The following GJA4 variants were observed in gnomAD, a reference collection of about 807,000 sequenced individuals.
The protein encoded by GJA4 is gap junction alpha-4 protein.
GJA4 carries 13 observed loss-of-function variants against 25.1 expected under a neutral mutation model. The ratio of observed to expected loss-of-function variants is 0.52; its 90% confidence interval spans 0.34 to 0.82. The LOEUF (loss-of-function observed/expected upper bound fraction) is 0.82, where lower values mean the gene tolerates loss of function less well. Ranked by LOEUF, GJA4 falls within the 40% of genes least tolerant of loss-of-function variation. The pLI, the probability that GJA4 is intolerant of heterozygous loss-of-function variation, is 0.02. For missense variants in GJA4, 357 were observed against 443.5 expected (o/e 0.80, Z 1.75); for synonymous variants, 167 against 193.9 (o/e 0.86, Z 1.15).
In GJA4 at chr1:34,794,828, G is replaced by A. The variant is rs558218003; in HGVS notation, c.615G>A (p.Glu205=). The part of the protein sequence containing the change: ...LVDCFVSRPT[E]KTIFIIFMLV... Reference sequence around the variant, plus strand: ...ACTGCTTTGTCTCTCGCCCCACGGAGAAGACCATCTTCATCATCTTCATGT... The same window carrying A: ...ACTGCTTTGTCTCTCGCCCCACGGAAAAGACCATCTTCATCATCTTCATGT... The change falls in exon 2 of 2, where the codon GAG becomes GAA. Residue 205 remains glutamate, a synonymous_variant. Coordinates refer to ENST00000342280, the MANE Select transcript of GJA4 (RefSeq NM_002060.3). This position sits in a 1 kb window ranked among gnomAD's most constrained non-coding sequence, Gnocchi z 7.8. 1.2e-6 allele frequency: 2 copies of A among 1,614,130 alleles called. No individual in the cohort carries two copies. Among genetic ancestry groups the A allele is most frequent in the South Asian group, 2.2e-5 (2 of 91,076 alleles).
intron 1 of GJA4, 139 bp downstream of exon 1, chr1:34,793,207 TGGCC>T (rs1354596496): frequency 6.9e-5 from 17 of 244,960 alleles, no homozygotes; most frequent in African/African-American, 4.0e-4. Context: ...CAGGTGGCCT[TGGCC>T]AGGCTCCCAC....
Position 34,794,227 on chromosome 1 carries a change from G to C in GJA4, c.14G>C (p.Gly5Ala). ...GGCCCGGGAGCCATGGGTGACTGGG[G>C]CTTCCTGGAGAAGTTGCTGGACCAG... MGDW[G>A]FLEKLLDQVQ... The change falls in exon 2 of 2, where the codon GGC becomes GCC. Residue 5 changes from glycine (G) to alanine (A), a missense_variant. Physicochemically the swap from Gly to Ala is moderately conservative, Grantham distance 60. Coordinates refer to ENST00000342280, the MANE Select transcript of GJA4 (RefSeq NM_002060.3). The surrounding 1 kb of genome is among the most constrained non-coding windows in gnomAD (Gnocchi z 7.8). 6.2e-7 allele frequency: 1 copy of C among 1,614,040 alleles called. No individual in the cohort carries two copies. Among genetic ancestry groups the C allele is most frequent in the Non-Finnish European group, 8.5e-7 (1 of 1,179,930 alleles).
Position 34,794,101 on chromosome 1 carries a change from G to T in GJA4, c.-17-96G>T. The T allele has an allele frequency of 1.0e-6, 1 of 954,862 alleles. No homozygotes were observed. Among genetic ancestry groups the T allele is most frequent in the Non-Finnish European group, 1.6e-6 (1 of 640,404 alleles). The allele number at this position is 954,862 out of a possible 1,614,324, so 59.1% of individuals were successfully genotyped here. ...CTTCCTGAGCCTGGGTTTCTTTGTA[G>T]GTAGAACGGGCGTGGCAGACCTCCC... On this transcript the variant is annotated intron_variant, in intron 1 of 1. Transcript: ENST00000342280. This position sits in a 1 kb window ranked among gnomAD's most constrained non-coding sequence, Gnocchi z 7.8.
chr1:34,794,979 T>C lies in GJA4; in HGVS notation c.766T>C (p.Ser256Pro). 6.2e-7 allele frequency: 1 copy of C among 1,614,054 alleles called. No individual in the cohort carries two copies. The highest frequency in any genetic ancestry group is 8.5e-7 in the Non-Finnish European group (1 of 1,179,982). Reference sequence around the variant, plus strand: ...CGCACCCCCGACCCAGGGCACCTCCTCAGACCCTTACACGGACCAGGTCTT... The same window carrying C: ...CGCACCCCCGACCCAGGGCACCTCCCCAGACCCTTACACGGACCAGGTCTT... ...QDAPPTQGTSSDPYTDQVFFY... is the reference protein window; with the variant it reads ...QDAPPTQGTSPDPYTDQVFFY... Residue 256 changes from serine to proline, a missense_variant, in exon 2 of 2, where the codon TCA becomes CCA. By Grantham distance (74) the Ser-to-Pro change is moderately conservative (BLOSUM62 -1). Coordinates refer to ENST00000342280, the MANE Select transcript of GJA4 (RefSeq NM_002060.3). This position sits in a 1 kb window ranked among gnomAD's most constrained non-coding sequence, Gnocchi z 7.8.
chr1:34,795,470 A>C lies in GJA4; in HGVS notation c.*255A>C. The C allele has an allele frequency of 2.1e-6, 1 of 466,346 alleles. No homozygotes were observed. The allele number at this position is 466,346 out of a possible 1,614,324, so 28.9% of individuals were successfully genotyped here. ...GAGTCAGCATGGAATGCTCTTGGCCAAGGGTACTGGGGGCCCTCTGGCCTT... is the reference window on the plus strand; with the variant it reads ...GAGTCAGCATGGAATGCTCTTGGCCCAGGGTACTGGGGGCCCTCTGGCCTT... On this transcript the variant is annotated 3_prime_UTR_variant, in exon 2 of 2. Transcript: ENST00000342280.
chr1:34,795,062 G>C lies in GJA4; in HGVS notation c.849G>C (p.Gly283=). The stretch of plus-strand genomic sequence containing the variant: ...CCCCACCATGCCCCACCTACAATGG[G>C]CTCTCATCCAGTGAGCAGAACTGGG... ...PSSPPCPTYN[G]LSSSEQNWAN... is the part of the protein sequence containing the mutation. Residue 283 remains glycine (G), a synonymous_variant, in exon 2 of 2, where the codon GGG becomes GGC. Coordinates refer to ENST00000342280, the MANE Select transcript of GJA4 (RefSeq NM_002060.3). 6.2e-7 allele frequency: 1 copy of C among 1,613,522 alleles called. No individual in the cohort carries two copies. The highest frequency in any genetic ancestry group is 1.1e-5 in the South Asian group (1 of 90,956).
intron 1 of GJA4, 109 bp downstream of exon 1, chr1:34,793,177 G>A (rs1455855272): frequency 1.2e-5 from 3 of 254,472 alleles, no homozygotes; most frequent in Non-Finnish European, 2.3e-5. Flanking sequence ...AACGCCCGCC[G>A]CGACAGAGCC....
chr1:34,794,569 A>G lies in GJA4; in HGVS notation c.356A>G (p.Lys119Arg). The change falls in exon 2 of 2, where the codon AAG (lysine) becomes AGG (arginine). Residue 119 changes from lysine (K) to arginine (R), a missense_variant. By Grantham distance (26) the Lys-to-Arg change is conservative. Coordinates refer to ENST00000342280, the MANE Select transcript of GJA4 (RefSeq NM_002060.3). The surrounding 1 kb of genome is among the most constrained non-coding windows in gnomAD (Gnocchi z 7.8). ...GGGGAGCTGCGGGCACTGCCGGCCA[A>G]GGACCCACAGGTGGAGCGGGCGCTG... ...KEGELRALPA[K>R]DPQVERALAA... 6.2e-7 allele frequency: 1 copy of G among 1,609,394 alleles called. No homozygotes were observed. The highest frequency in any genetic ancestry group is 8.5e-7 in the Non-Finnish European group (1 of 1,179,980).
Position 34,795,332 on chromosome 1 carries a change from T to G in GJA4, c.*117T>G. 2 of 664,376 alleles carry G rather than the reference T, an allele frequency of 3.0e-6. No individual in the cohort carries two copies. The highest frequency in any genetic ancestry group is 1.8e-5 in the African/African-American group (1 of 55,674). 41.2% of individuals were successfully genotyped at this position (664,376 alleles called of 1,614,324 possible). A position where few individuals can be genotyped will look rare whatever the true frequency, so the allele number is the denominator to read the frequency against. ...ATGACTGGGCTGGGGAAGCAGGTGC[T>G]TGCTGGCCATGGAGCCTCATTGCAA... On this transcript the variant is annotated 3_prime_UTR_variant, in exon 2 of 2. Transcript: ENST00000342280.
In GJA4 at chr1:34,795,693, A is replaced by C; in HGVS notation, c.*478A>C. The C allele has an allele frequency of 5.8e-6, 1 of 173,330 alleles. No homozygotes were observed. The highest frequency in any genetic ancestry group is 6.2e-5 in the Admixed American group (1 of 16,256). The allele number at this position is 173,330 out of a possible 1,614,324, so 10.7% of individuals were successfully genotyped here. On this transcript the variant is annotated 3_prime_UTR_variant, in exon 2 of 2. Transcript: ENST00000342280. ...AGGGGACTGGTGCCTTGTTTTCATC[A>C]CTCCTTCCTAGTTCTACTGTTCAAG...
chr1:34,794,652 A>G lies in GJA4; in HGVS notation c.439A>G (p.Ile147Val), dbSNP rs374035543. Residue 147 changes from isoleucine to valine, a missense_variant, in exon 2 of 2, where the codon ATC becomes GTC. Physicochemically the swap from Ile to Val is conservative, Grantham distance 29. This residue lies in a region of GJA4 where 278 missense variants were observed against 298.1 expected (regional missense o/e 0.93). Coordinates refer to ENST00000342280, the MANE Select transcript of GJA4 (RefSeq NM_002060.3). The surrounding 1 kb of genome is among the most constrained non-coding windows in gnomAD (Gnocchi z 7.8). ...ISVAEDGRLR[I>V]RGALMGTYVA... ...GGTGGCAGAAGATGGTCGCCTGCGC[A>G]TCCGCGGAGCACTGATGGGCACCTA... 21 of 1,608,126 alleles carry G rather than the reference A, an allele frequency of 1.3e-5. No homozygotes were observed. The highest frequency in any genetic ancestry group is 1.7e-5 in the Non-Finnish European group (20 of 1,179,936).
Position 34,794,111 on chromosome 1 carries a change from G to C in GJA4, c.-17-86G>C. On this transcript the variant is annotated intron_variant, in intron 1 of 1. Coordinates refer to ENST00000342280, the MANE Select transcript of GJA4 (RefSeq NM_002060.3). The surrounding 1 kb of genome is among the most constrained non-coding windows in gnomAD (Gnocchi z 7.8). ...CTGGGTTTCTTTGTAGGTAGAACGG[G>C]CGTGGCAGACCTCCCTGCAGGCTTG... is the stretch of plus-strand genomic sequence containing the variant. 1 of 1,044,018 alleles carries C rather than the reference G, an allele frequency of 9.6e-7. No homozygotes were observed. The highest frequency in any genetic ancestry group is 1.6e-5 in the South Asian group (1 of 64,056). The allele number at this position is 1,044,018 out of a possible 1,614,324, so 64.7% of individuals were successfully genotyped here.
chr1:34,794,078 TC>T lies in GJA4; in HGVS notation c.-17-117del. ...GAGCCTCCAGGCCAGTCCTTCCCCT[TC>T]CTGAGCCTGGGTTTCTTTGTAGGTA... On this transcript the variant is annotated intron_variant, in intron 1 of 1. Transcript: ENST00000342280. This position sits in a 1 kb window ranked among gnomAD's most constrained non-coding sequence, Gnocchi z 7.8. The T allele has an allele frequency of 1.2e-6, 1 of 807,742 alleles. No homozygotes were observed. The highest frequency in any genetic ancestry group is 1.9e-6 in the Non-Finnish European group (1 of 515,774). 50.0% of individuals were successfully genotyped at this position (807,742 alleles called of 1,614,324 possible).
In GJA4 at chr1:34,794,914, G is replaced by T; in HGVS notation, c.701G>T (p.Arg234Leu). 6.2e-7 allele frequency: 1 copy of T among 1,614,066 alleles called. No individual in the cohort carries two copies. Among genetic ancestry groups the T allele is most frequent in the Non-Finnish European group, 8.5e-7 (1 of 1,179,992 alleles). The change falls in exon 2 of 2, where the codon CGC (arginine) becomes CTC (leucine). Residue 234 changes from arginine (R) to leucine (L), a missense_variant. Coordinates refer to ENST00000342280, the MANE Select transcript of GJA4 (RefSeq NM_002060.3). This position sits in a 1 kb window ranked among gnomAD's most constrained non-coding sequence, Gnocchi z 7.8. ...CTGGAGTTGGTGCACCTGCTGTGTC[G>T]CTGCCTCAGCCGGGGGATGAGGGCA... ...NLLELVHLLC[R>L]CLSRGMRARQ...
In GJA4 at chr1:34,793,057, G is replaced by A. The variant is rs910282048; in HGVS notation, c.-29G>A. ...GTCCCCACCTCCACCTGGGCCGCCC[G>A]GCAGGCAGGCGGTGAGTCGGGGGCT... On this transcript the variant is annotated 5_prime_UTR_variant, in exon 1 of 2. Transcript: ENST00000342280. 3.0e-5 allele frequency: 10 copies of A among 338,438 alleles called. No homozygotes were observed. Among genetic ancestry groups the A allele is most frequent in the Non-Finnish European group, 4.7e-5 (8 of 170,910 alleles). 21.0% of individuals were successfully genotyped at this position (338,438 alleles called of 1,614,324 possible).
In GJA4 at chr1:34,794,514, C is replaced by T; in HGVS notation, c.301C>T (p.Arg101Trp). The T allele has an allele frequency of 6.2e-7, 1 of 1,613,876 alleles. No homozygotes were observed. Among genetic ancestry groups the T allele is most frequent in the East Asian group, 2.2e-5 (1 of 44,872 alleles). Reference protein sequence around the residue: ...VYLGHVIYLSRREERLRQKEG... With the variant: ...VYLGHVIYLSWREERLRQKEG... Reference sequence around the variant, plus strand: ...CCTGGGCCATGTCATTTACCTGTCTCGGCGAGAAGAGCGGCTGCGGCAGAA... The same window carrying T: ...CCTGGGCCATGTCATTTACCTGTCTTGGCGAGAAGAGCGGCTGCGGCAGAA... Residue 101 changes from arginine to tryptophan, a missense_variant, in exon 2 of 2, where the codon CGG (arginine) becomes TGG (tryptophan). This residue lies in a region of GJA4 where 79 missense variants were observed against 145.4 expected (regional missense o/e 0.54). Transcript: ENST00000342280. The surrounding 1 kb of genome is among the most constrained non-coding windows in gnomAD (Gnocchi z 7.8).
rs1286125493 is a variant in GJA4, at chr1:34,794,402, C to T, written c.189C>T (p.Asn63=). The T allele has an allele frequency of 5.6e-6, 9 of 1,614,112 alleles. No individual in the cohort carries two copies. The highest frequency in any genetic ancestry group is 2.2e-5 in the South Asian group (2 of 91,094). Reference sequence around the variant, plus strand: ...ACACGGCCCAGCCAGGCTGCACCAACGTCTGCTATGACCAGGCCTTCCCCA... The same window carrying T: ...ACACGGCCCAGCCAGGCTGCACCAATGTCTGCTATGACCAGGCCTTCCCCA... ...ECNTAQPGCT[N]VCYDQAFPIS... The change falls in exon 2 of 2, where the codon AAC becomes AAT. Residue 63 remains asparagine (N), a synonymous_variant. Coordinates refer to ENST00000342280, the MANE Select transcript of GJA4 (RefSeq NM_002060.3). This position sits in a 1 kb window ranked among gnomAD's most constrained non-coding sequence, Gnocchi z 7.8.
In GJA4 at chr1:34,795,168, C is replaced by A; in HGVS notation, c.955C>A (p.Pro319Thr). ...LDPPPQNGQKPPSRPSSSASK... is the reference protein window; with the variant it reads ...LDPPPQNGQKTPSRPSSSASK... ...CCCACCCCCTCAGAATGGCCAAAAA[C>A]CCCCAAGTCGTCCCAGCAGCTCTGC... The change falls in exon 2 of 2, where the codon CCC (proline) becomes ACC (threonine). Residue 319 changes from proline (P) to threonine (T), a missense_variant. Pro to Thr is a conservative substitution (Grantham distance 38). Around this residue, in one of 2 missense-constraint regions of GJA4, gnomAD observed 278 missense variants for 298.1 expected, o/e 0.93. Coordinates refer to ENST00000342280, the MANE Select transcript of GJA4 (RefSeq NM_002060.3). 4.3e-6 allele frequency: 7 copies of A among 1,612,090 alleles called. No homozygotes were observed. The highest frequency in any genetic ancestry group is 2.2e-5 in the South Asian group (2 of 91,002).
chr1:34,793,629 C>T (rs1333832172), intron 1 of GJA4, among the ~76,000 whole-genome samples: 4 of 152,168 alleles, frequency 2.6e-5, no homozygotes, highest in Non-Finnish European at 5.9e-5. Context: ...CTCCTAAAAC[C>T]CCTTCCACTA....
Sources: allele counts gnomAD v4.1 joint callset (sites outside exome capture counted in the v4.1 genomes callset), GRCh38; gene constraint gnomAD v4.1.1; regional missense constraint gnomAD v4.1.1; non-coding constraint Gnocchi (gnomAD v3.1); transcripts MANE v1.5; gene names NCBI Gene and HGNC (gene_info 2026-07-23, HGNC 2026-07-21).